Variants in INSC observed in about 807,000 individuals in gnomAD.
INSC encodes protein inscuteable homolog.
Under a neutral mutation model 58.6 loss-of-function variants are expected in INSC, and 67 were observed. The ratio of observed to expected loss-of-function variants is 1.14; its 90% confidence interval spans 0.94 to 1.40. The LOEUF (loss-of-function observed/expected upper bound fraction) is 1.40, where lower values mean the gene tolerates loss of function less well. Ranked by LOEUF, INSC falls within the 40% of genes most tolerant of loss-of-function variation. The pLI, the probability that INSC is intolerant of heterozygous loss-of-function variation, is 0.00. For synonymous variants in INSC, 262 were observed against 276.1 expected (o/e 0.95, Z 0.51); for missense variants, 714 against 692.0 (o/e 1.03, Z -0.36).
chr11:15,119,176 C>T (rs545301947), intron 1 of INSC, among the ~76,000 whole-genome samples: 6 of 152,214 alleles, frequency 3.9e-5, no homozygotes, highest in Admixed American at 6.5e-5. Flanking sequence ...AGGACCTCAA[C>T]GTGATCAGCA....
chr11:15,130,268 T>C (rs528933037), intron 1 of INSC, among the ~76,000 whole-genome samples: 1 of 152,358 alleles, frequency 6.6e-6, no homozygotes, highest in South Asian at 2.1e-4. Context: ...GAGATGTCTC[T>C]TCTATTTCTA....
intron 1 of INSC, among the ~76,000 whole-genome samples, chr11:15,116,921 C>CTCCTTCCTTCCTTCCTTCCT (rs1219518629): frequency 0.012 from 245 of 20,382 alleles, 24 homozygotes; most frequent in Non-Finnish European, 0.016. Context: ...CCCTCCCTCC[C>CTCCTTCCTTCCTTCCTTCCT]TCCTTCCTTC....
chr11:15,128,779 C>A (rs895614796), intron 1 of INSC, among the ~76,000 whole-genome samples: 1 of 152,190 alleles, frequency 6.6e-6, no homozygotes, highest in African/African-American at 2.4e-5. Flanking sequence ...CTGGCCCCTG[C>A]GCCCAGCTAT....
At chr11:15,259,447 A>T in the INSC span, among the ~76,000 whole-genome samples, 1 of 152,212 alleles carries the variant, frequency 6.6e-6, no homozygotes, top group Non-Finnish European at 1.5e-5. Context: ...AGGAACTATT[A>T]TGACAAAATA....
intron 1 of INSC, 29 bp from the exon 2 acceptor site, chr11:15,149,101 C>T (rs750343889): frequency 3.4e-5 from 53 of 1,556,292 alleles, no homozygotes; most frequent in East Asian, 2.1e-4. Context: ...TTTAGGATCT[C>T]GTTGTGCCAT....
At chr11:15,238,222 T>A (rs1326673855) in intron 10 of INSC, among the ~76,000 whole-genome samples, 1 of 152,130 alleles carries the variant, frequency 6.6e-6, no homozygotes, top group Admixed American at 6.5e-5. Flanking sequence ...CAAATCTGGT[T>A]TCAGGGAGAG....
rs551588335 is a variant in INSC, at chr11:15,239,066, G to A, written c.1385G>A (p.Arg462Gln). The change falls in exon 11 of 13, where the codon CGG becomes CAG. Residue 462 changes from arginine (R) to glutamine (Q), a missense_variant. Transcript: ENST00000379556. Reference sequence around the variant, plus strand: ...CCAGATGTGGCACGGGAGGCCGTGCGGCTCAGCTGTGAGTGGTGCTTTCTG... The same window carrying A: ...CCAGATGTGGCACGGGAGGCCGTGCAGCTCAGCTGTGAGTGGTGCTTTCTG... ...RDPDVAREAV[R>Q]LSCMSRLIEL... The A allele has an allele frequency of 2.5e-5, 40 of 1,612,270 alleles. No homozygotes were observed. Among genetic ancestry groups the A allele is most frequent in the Admixed American group, 6.7e-5 (4 of 59,954 alleles).
intron 2 of INSC, among the ~76,000 whole-genome samples, chr11:15,158,316 G>C (rs1220907353): frequency 1.3e-5 from 2 of 150,952 alleles, no homozygotes; most frequent in African/African-American, 4.9e-5. Flanking sequence ...ACTAGTCCCT[G>C]TTTCTCTCTT....
intron 1 of INSC, among the ~76,000 whole-genome samples, chr11:15,118,634 T>C (rs1847794048): frequency 6.6e-6 from 1 of 152,182 alleles, no homozygotes. Context: ...GAGGTGTTTT[T>C]TCCTTCCCAG....
intron 2 of INSC, among the ~76,000 whole-genome samples, chr11:15,154,368 AT>A (rs1247522753): frequency 6.6e-6 from 1 of 152,126 alleles, no homozygotes; most frequent in East Asian, 1.9e-4. Context: ...AGCTATTCTC[AT>A]TTTTTTAGTA....
At chr11:15,177,261 G>T (rs1590403098) in intron 4 of INSC, 98 bp downstream of exon 4, 2 of 893,334 alleles carry the variant, frequency 2.2e-6, no homozygotes, top group African/African-American at 3.3e-5. Flanking sequence ...GGAATGGGAG[G>T]CGTGGTGGTG....
upstream of INSC, among the ~76,000 whole-genome samples, chr11:15,113,155 C>CTCTCTCTCTCTCTA (rs1847617229): frequency 2.7e-5 from 1 of 37,468 alleles, no homozygotes; most frequent in Admixed American, 3.6e-4. Context: ...CTGTCTCTCT[C>CTCTCTCTCTCTCTA]TCTCTCTCTT....
chr11:15,127,007 T>C (rs1283307142), intron 1 of INSC, among the ~76,000 whole-genome samples: 1 of 152,194 alleles, frequency 6.6e-6, no homozygotes, highest in Non-Finnish European at 1.5e-5. Flanking sequence ...CTGGTGGTCC[T>C]GATCATGGCT....
the INSC span, among the ~76,000 whole-genome samples, chr11:15,268,666 G>A: frequency 6.6e-6 from 1 of 152,058 alleles, no homozygotes; most frequent in Non-Finnish European, 1.5e-5. Flanking sequence ...ATTTGCTATG[G>A]CATCAAGAAA....
At chr11:15,165,279 A>G (rs1849156423) in intron 2 of INSC, among the ~76,000 whole-genome samples, 1 of 152,116 alleles carries the variant, frequency 6.6e-6, no homozygotes. Context: ...CTTTTAAGTA[A>G]AAAAGGTTTG....
At chr11:15,156,895 C>T (rs1405459097) in intron 2 of INSC, among the ~76,000 whole-genome samples, 1 of 152,314 alleles carries the variant, frequency 6.6e-6, no homozygotes, top group East Asian at 1.9e-4. Context: ...GACTTTGCTA[C>T]TCCCTTCTCC....
chr11:15,244,027 T>G (rs1852464605), intron 12 of INSC, among the ~76,000 whole-genome samples: 1 of 152,182 alleles, frequency 6.6e-6, no homozygotes, highest in Non-Finnish European at 1.5e-5. Flanking sequence ...CTATTTCCCT[T>G]TTCTGTCTTA....
chr11:15,112,148 C>T (rs1847585385), upstream of INSC, among the ~76,000 whole-genome samples: 1 of 152,174 alleles, frequency 6.6e-6, no homozygotes, highest in African/African-American at 2.4e-5. Flanking sequence ...CCCAGTCTCT[C>T]TGGTGGAGTT....
At position 15,221,537 on chromosome 11, in the gene INSC, C is replaced by CGGGCTG. The variant is rs1564911578; in HGVS notation, c.881_886dup (p.Ala295_Glu296insGlyAla). ...CGACAACAGCCACTCAGAGGCCACACGGGCTGAGGCTGCGGCTGTGGTGGC... is the reference window on the plus strand; with the variant it reads ...CGACAACAGCCACTCAGAGGCCACACGGGCTGGGGCTGAGGCTGCGGCTGTGGTGGC... On this transcript the variant is annotated inframe_insertion, in exon 8 of 13. Coordinates refer to ENST00000379556, the MANE Select transcript of INSC (RefSeq NM_001042536.3). 2 of 1,613,894 alleles carry CGGGCTG rather than the reference C, an allele frequency of 1.2e-6. No homozygotes were observed. The highest frequency in any genetic ancestry group is 1.3e-5 in the African/African-American group (1 of 74,916).
Sources: allele counts gnomAD v4.1 joint callset (sites outside exome capture counted in the v4.1 genomes callset), GRCh38; gene constraint gnomAD v4.1.1; transcripts MANE v1.5; gene names NCBI Gene and HGNC (gene_info 2026-07-23, HGNC 2026-07-21).